The following NT5DC3 variants were observed in gnomAD, a reference collection of about 807,000 sequenced individuals.
NT5DC3 encodes the protein 5'-nucleotidase domain-containing protein 3.
A neutral mutation model predicts 67.8 loss-of-function variants in NT5DC3; 42 were observed. The ratio of observed to expected loss-of-function variants is 0.62; its 90% confidence interval spans 0.48 to 0.80. The LOEUF (loss-of-function observed/expected upper bound fraction) is 0.80, where lower values mean the gene tolerates loss of function less well. NT5DC3 is among the 30% of genes least tolerant of loss of function. The probability of loss-of-function intolerance (pLI) is 0.00; values close to 1 mark genes in which losing one functional copy is unlikely to be tolerated. For synonymous variants in NT5DC3, 237 were observed against 255.6 expected, an observed-to-expected ratio of 0.93 and a Z score of 0.69; for missense variants, 570 against 696.4, an observed-to-expected ratio of 0.82 and a Z score of 2.04.
chr12:103,800,247 T>C (rs1005631394), intron 4 of NT5DC3, among the ~76,000 whole-genome samples: 3 of 152,224 alleles, frequency 2.0e-5, no homozygotes, highest in Non-Finnish European at 4.4e-5. Flanking sequence ...GATTCATTAA[T>C]ATTTTGCCTC....
At chr12:103,761,411 G>T in the NT5DC3 span, 4 of 1,613,044 alleles carry the variant, frequency 2.5e-6, no homozygotes, top group Middle Eastern at 3.6e-4. Context: ...TGCCCCCGTG[G>T]TGAGTATCTA....
the NT5DC3 span, among the ~76,000 whole-genome samples, chr12:103,758,606 A>G: frequency 6.1e-3 from 925 of 152,272 alleles, 9 homozygotes; most frequent in Non-Finnish European, 7.7e-3. Context: ...GTGCTTTCTC[A>G]AGCCTCTGTT....
chr12:103,840,541 C>A (rs1888371031), intron 1 of NT5DC3, among the ~76,000 whole-genome samples: 1 of 148,814 alleles, frequency 6.7e-6, no homozygotes, highest in Admixed American at 6.7e-5. Flanking sequence ...GGCATCTCTG[C>A]GCCAGCCCGA....
At position 103,773,838 on chromosome 12, in the gene NT5DC3, A is replaced by G. The variant is rs145759316; in HGVS notation, c.*3991T>C. The G allele has an allele frequency of 7.5e-4, 114 of 152,764 alleles. No homozygotes were observed. Among genetic ancestry groups the G allele is most frequent in the African/African-American group, 2.5e-3 (105 of 41,560 alleles). 9.5% of individuals were successfully genotyped at this position (152,764 alleles called of 1,614,324 possible). A position where few individuals can be genotyped will look rare whatever the true frequency, so the allele number is the denominator to read the frequency against. On this transcript the variant is annotated 3_prime_UTR_variant, in exon 14 of 14. Coordinates refer to ENST00000392876, the MANE Select transcript of NT5DC3 (RefSeq NM_001031701.3). ...AAGCTAAATTAACTAGGACCACAAG[A>G]CTACTTTTCAATTCTCCTTTGCAAT...
At chr12:103,809,124 C>G (rs896247276) in intron 2 of NT5DC3, among the ~76,000 whole-genome samples, 7 of 152,248 alleles carry the variant, frequency 4.6e-5, no homozygotes, top group African/African-American at 1.7e-4. Context: ...TGAACCAACT[C>G]TGAGCCACTA....
chr12:103,793,981 A>T lies in NT5DC3; in HGVS notation c.770T>A (p.Val257Asp). The T allele has an allele frequency of 6.2e-7, 1 of 1,613,734 alleles. No individual in the cohort carries two copies. Among genetic ancestry groups the T allele is most frequent in the East Asian group, 2.2e-5 (1 of 44,884 alleles). The stretch of plus-strand genomic sequence containing the variant: ...TCTGTACATTATTCCTTTGATGTGG[A>T]CGTCTCGAATTGAATCCTGCCAAAA... ...YKDVKDSIRDVHIKGIMYRAI... is the reference protein window; with the variant it reads ...YKDVKDSIRDDHIKGIMYRAI... The change falls in exon 7 of 14, where the codon GTC (valine) becomes GAC (aspartate). Residue 257 changes from valine to aspartate, a missense_variant. Physicochemically the swap from Val to Asp is radical, Grantham distance 152. Coordinates refer to ENST00000392876, the MANE Select transcript of NT5DC3 (RefSeq NM_001031701.3).
the NT5DC3 span, among the ~76,000 whole-genome samples, chr12:103,749,437 T>A: frequency 6.6e-6 from 1 of 152,200 alleles, no homozygotes; most frequent in African/African-American, 2.4e-5. Flanking sequence ...GCTATAGTTA[T>A]GTTGGACATC....
At chr12:103,833,494 C>T (rs1237519004) in intron 1 of NT5DC3, among the ~76,000 whole-genome samples, 3 of 152,062 alleles carry the variant, frequency 2.0e-5, no homozygotes, top group South Asian at 2.1e-4. Context: ...TGCTTATACA[C>T]GCTAAGCTTA....
intron 4 of NT5DC3, among the ~76,000 whole-genome samples, chr12:103,804,789 C>A (rs7967788): frequency 1.3e-5 from 2 of 152,328 alleles, no homozygotes; most frequent in Non-Finnish European, 2.9e-5. Flanking sequence ...CAGTGGCTCA[C>A]GCCTATAATC....
chr12:103,837,596 C>G (rs1209397441), intron 1 of NT5DC3, among the ~76,000 whole-genome samples: 1 of 152,354 alleles, frequency 6.6e-6, no homozygotes, highest in East Asian at 1.9e-4. Context: ...CCTAAATCAT[C>G]TCTCTCAAGT....
chr12:103,787,417 A>G (rs1885837797), intron 11 of NT5DC3, 24 bp downstream of exon 11: 1 of 1,341,492 alleles, frequency 7.5e-7, no homozygotes, highest in Non-Finnish European at 1.0e-6. Context: ...CTGTCCCCCA[A>G]CAAAGGAAAA....
the NT5DC3 span, chr12:103,761,494 GTCC>G: frequency 7.3e-6 from 9 of 1,234,996 alleles, no homozygotes; most frequent in Admixed American, 7.4e-5. Flanking sequence ...CAGAAGCCCT[GTCC>G]TCCTCCCTCT....
At chr12:103,789,674 C>T (rs1370779) in intron 9 of NT5DC3, among the ~76,000 whole-genome samples, 58,122 of 151,706 alleles carry the variant, frequency 0.38, 12,186 homozygotes, top group East Asian at 0.88. Flanking sequence ...TAAGCCACTC[C>T]AGATAAAAAA....
chr12:103,824,957 A>ACAGTG (rs935735358), intron 1 of NT5DC3, among the ~76,000 whole-genome samples: 7 of 152,216 alleles, frequency 4.6e-5, no homozygotes, highest in African/African-American at 1.7e-4. Context: ...AATGTGCCAG[A>ACAGTG]CAGTGCACAG....
chr12:103,749,092 ACCCC>A, the NT5DC3 span: 8 of 1,613,800 alleles, frequency 5.0e-6, no homozygotes, highest in South Asian at 8.8e-5. Context: ...ACAGAGATAG[ACCCC>A]TGTGCAGACG....
At chr12:103,749,273 G>A in the NT5DC3 span, 1 of 1,168,944 alleles carries the variant, frequency 8.6e-7, no homozygotes, top group South Asian at 2.0e-5. Context: ...ATTTTTTCTA[G>A]CACAGTCTGT....
intron 4 of NT5DC3, among the ~76,000 whole-genome samples, chr12:103,803,523 T>C (rs1189035901): frequency 6.6e-6 from 1 of 152,198 alleles, no homozygotes; most frequent in Non-Finnish European, 1.5e-5. Flanking sequence ...GTTTGTTATA[T>C]AGGTAAATTC....
At chr12:103,796,072 C>A (rs1886300216) in intron 6 of NT5DC3, among the ~76,000 whole-genome samples, 1 of 152,164 alleles carries the variant, frequency 6.6e-6, no homozygotes, top group Non-Finnish European at 1.5e-5. Flanking sequence ...TGTCTACATC[C>A]CCCGTCCCCC....
chr12:103,753,931 G>C, the NT5DC3 span, among the ~76,000 whole-genome samples: 1,473 of 152,314 alleles, frequency 9.7e-3, 46 homozygotes, highest in East Asian at 0.097. Context: ...CAAGCTTTCA[G>C]ATATGGCAGG....
Sources: gnomAD v4.1 joint callset for allele counts (sites outside exome capture counted in the v4.1 genomes callset) on GRCh38, gnomAD v4.1.1 for gene constraint, MANE v1.5 for transcripts, NCBI Gene and HGNC (gene_info 2026-07-23, HGNC 2026-07-21) for gene names.